Variants in EXOC6 observed in about 807,000 individuals in gnomAD.
EXOC6 encodes the protein SEC15-like 1.
EXOC6 carries 60 observed loss-of-function variants against 112.5 expected under a neutral mutation model. The ratio of observed to expected loss-of-function variants is 0.53; its 90% CI spans 0.43 to 0.66. The LOEUF (loss-of-function observed/expected upper bound fraction) is 0.66. EXOC6 is among the 30% of genes least tolerant of loss of function. The pLI, the probability that EXOC6 is intolerant of heterozygous loss-of-function variation, is 0.00. For missense variants in EXOC6, 855 were observed against 957.1 expected (o/e 0.89, Z 1.41); for synonymous variants, 295 against 308.0 (o/e 0.96, Z 0.44).
intron 1 of EXOC6, among the ~76,000 whole-genome samples, chr10:92,881,933 A>C (rs1261862674): frequency 6.6e-6 from 1 of 152,092 alleles, no homozygotes; most frequent in African/African-American, 2.4e-5. Flanking sequence ...CCATGATTGT[A>C]AGTTCTCTGA....
rs141703825 is a variant in EXOC6, at chr10:92,899,539, C to T, written c.413-60C>T. The T allele has an allele frequency of 8.5e-6, 10 of 1,170,686 alleles. No individual in the cohort carries two copies. The African/African-American group carries it at 1.4e-4, about 16-fold the overall frequency. 72.5% of individuals were successfully genotyped at this position (1,170,686 alleles called of 1,614,324 possible). On this transcript the variant is annotated intron_variant, in intron 4 of 21. Coordinates refer to ENST00000260762, the MANE Select transcript of EXOC6 (RefSeq NM_019053.6). ...TACTCTTTCCTGCTTTGATTATTTTCATGTCTCAAAATATTTTCTTTTCAT... is the reference window on the plus strand; with the variant it reads ...TACTCTTTCCTGCTTTGATTATTTTTATGTCTCAAAATATTTTCTTTTCAT...
At chr10:92,904,267 G>A (rs926620142) in intron 5 of EXOC6, among the ~76,000 whole-genome samples, 1 of 152,012 alleles carries the variant, frequency 6.6e-6, no homozygotes, top group African/African-American at 2.4e-5. Context: ...ATAAACATTT[G>A]TGTGCAGGTT....
At chr10:93,004,113 C>G (rs1843875350) in intron 19 of EXOC6, among the ~76,000 whole-genome samples, 2 of 151,836 alleles carry the variant, frequency 1.3e-5, no homozygotes, top group African/African-American at 4.8e-5. Context: ...ATGTGAAATA[C>G]AAAAAAAGCT....
In EXOC6 at chr10:92,911,901, TTCTCTCTC is replaced by T. The variant is rs113097452; in HGVS notation, c.663+2294_663+2301del. Among the ~76,000 whole-genome samples the T allele has an allele frequency of 5.8e-3, 808 of 139,984 alleles. 8 individuals carry two copies. Among genetic ancestry groups the T allele is most frequent in the Middle Eastern group, 0.029 (8 of 280 alleles). The allele number at this position is 139,984 out of a possible 152,430, so 91.8% of individuals were successfully genotyped here. ...TGCTACCTTTCAATTTCTTGTGGGTTTCTCTCTCTCTCTCTCTCTCTCTCTCTCTCTGT... is the reference window on the plus strand; with the variant it reads ...TGCTACCTTTCAATTTCTTGTGGGTTTCTCTCTCTCTCTCTCTCTCTCTGT... On this transcript the variant is annotated intron_variant, in intron 6 of 21. Coordinates refer to ENST00000260762, the MANE Select transcript of EXOC6 (RefSeq NM_019053.6).
At chr10:92,990,353 A>G (rs1843178051) in intron 18 of EXOC6, among the ~76,000 whole-genome samples, 1 of 152,234 alleles carries the variant, frequency 6.6e-6, no homozygotes, top group Non-Finnish European at 1.5e-5. Flanking sequence ...ATAGCATAGC[A>G]TACTTAAATA....
chr10:92,971,382 T>C (rs895470529), intron 17 of EXOC6, among the ~76,000 whole-genome samples: 2 of 151,424 alleles, frequency 1.3e-5, no homozygotes, highest in Non-Finnish European at 2.9e-5. Context: ...GTACTTTTTT[T>C]TTTCTTTTTT....
chr10:92,980,294 T>G (rs940623405), intron 18 of EXOC6, among the ~76,000 whole-genome samples: 39 of 152,310 alleles, frequency 2.6e-4, no homozygotes, highest in Non-Finnish European at 4.4e-5. Context: ...TCTTCCCTTC[T>G]GCAAAATGAG....
intron 19 of EXOC6, among the ~76,000 whole-genome samples, chr10:93,001,114 G>A (rs755716747): frequency 5.3e-5 from 8 of 152,156 alleles, no homozygotes; most frequent in Admixed American, 1.3e-4. Context: ...AGAAAAATCT[G>A]GCTAGGTAGT....
chr10:92,928,759 T>C (rs1460773755), intron 9 of EXOC6, among the ~76,000 whole-genome samples: 1 of 151,396 alleles, frequency 6.6e-6, no homozygotes, highest in African/African-American at 2.4e-5. Context: ...AAAATACAAC[T>C]GAAGATGCTA....
intron 1 of EXOC6, among the ~76,000 whole-genome samples, chr10:92,861,900 C>T (rs118064109): frequency 0.011 from 1,741 of 152,242 alleles, 67 homozygotes; most frequent in Non-Finnish European, 9.0e-3. Flanking sequence ...AGGGTTGTTT[C>T]ACTAGGGAAC....
At chr10:93,034,929 A>G (rs977990196) in intron 20 of EXOC6, among the ~76,000 whole-genome samples, 1 of 152,212 alleles carries the variant, frequency 6.6e-6, no homozygotes, top group African/African-American at 2.4e-5. Flanking sequence ...AAGTTGTAGT[A>G]TCTGAATGCT....
intron 18 of EXOC6, among the ~76,000 whole-genome samples, chr10:92,991,702 A>G (rs1336697298): frequency 6.7e-6 from 1 of 149,784 alleles, no homozygotes; most frequent in Admixed American, 6.7e-5. Context: ...AAATTTTTCA[A>G]CTTTAAGATG....
At chr10:92,968,015 T>TA (rs928716224) in intron 17 of EXOC6, among the ~76,000 whole-genome samples, 8 of 152,282 alleles carry the variant, frequency 5.3e-5, no homozygotes, top group African/African-American at 1.9e-4. Context: ...AAAATTGACT[T>TA]ACAAATGATG....
In EXOC6 at chr10:92,927,051, G is replaced by A. The variant is rs558485608; in HGVS notation, c.889-1288G>A. ...GTATAAAATAATTGGAAAAAGTTTC[G>A]TATAGGATACCTAGGTAAAAATATT... On this transcript the variant is annotated intron_variant, in intron 8 of 21. Transcript: ENST00000260762. 1.1e-4 allele frequency among the ~76,000 whole-genome samples: 17 copies of A among 152,202 alleles called. No individual in the cohort carries two copies. The East Asian group carries it at 2.9e-3, about 26-fold the overall frequency.
chr10:93,002,710 C>A (rs916759681), intron 19 of EXOC6, among the ~76,000 whole-genome samples: 2 of 152,150 alleles, frequency 1.3e-5, no homozygotes, highest in Admixed American at 1.3e-4. Flanking sequence ...CATCTTGCTC[C>A]ATGTTATGAG....
chr10:92,974,727 G>A (rs1020411982), intron 18 of EXOC6, among the ~76,000 whole-genome samples: 6 of 152,214 alleles, frequency 3.9e-5, no homozygotes, highest in Non-Finnish European at 5.9e-5. Flanking sequence ...CACCACGCCT[G>A]ACTGGTTTTC....
intron 18 of EXOC6, among the ~76,000 whole-genome samples, chr10:92,982,393 C>T (rs1400162689): frequency 6.8e-6 from 1 of 146,684 alleles, no homozygotes; most frequent in Non-Finnish European, 1.5e-5. Flanking sequence ...TGTGCCTTGA[C>T]AGTGGCATCA....
intron 19 of EXOC6, among the ~76,000 whole-genome samples, chr10:93,010,400 T>C (rs952414659): frequency 1.3e-5 from 2 of 152,180 alleles, no homozygotes; most frequent in African/African-American, 4.8e-5. Flanking sequence ...TTAATTTTTC[T>C]GCCCTGTAAA....
chr10:92,896,175 ATATATATTTTTTTTTTT>A (rs1849799462), intron 4 of EXOC6, among the ~76,000 whole-genome samples: 7 of 20,512 alleles, frequency 3.4e-4, no homozygotes, highest in Middle Eastern at 0.026. Context: ...ATATATATAT[ATATATATTTTTTTTTTT>A]TTTTTTTTTT....
Sources: gnomAD v4.1 joint callset for allele counts (sites outside exome capture counted in the v4.1 genomes callset) on GRCh38, gnomAD v4.1.1 for gene constraint, MANE v1.5 for transcripts, NCBI Gene and HGNC (gene_info 2026-07-23, HGNC 2026-07-21) for gene names.